PCLAF: variants seen among roughly 807,000 people sequenced by gnomAD.
The protein encoded by PCLAF is PCNA clamp associated factor, also known as PCNA-associated factor.
Under a neutral mutation model 15.1 loss-of-function variants are expected in PCLAF, and 12 were observed. That is an observed-to-expected ratio of 0.79 (90% confidence interval 0.51 to 1.29). PCLAF has a LOEUF of 1.29. Ranked by LOEUF, PCLAF falls within the 50% of genes most tolerant of loss-of-function variation. PCLAF has a pLI of 0.00. For synonymous variants in PCLAF, 33 were observed against 47.1 expected (o/e 0.70, Z 1.22); for missense variants, 116 against 130.9 (o/e 0.89, Z 0.56).
At chr15:64,366,424 T>C (rs1264984206) in intron 3 of PCLAF, among the ~76,000 whole-genome samples, 1 of 152,340 alleles carries the variant, frequency 6.6e-6, no homozygotes, top group East Asian at 1.9e-4. Context: ...AGCAAGAACT[T>C]TGTGGTAACA....
intron 2 of PCLAF, among the ~76,000 whole-genome samples, chr15:64,377,253 G>A (rs1031454646): frequency 3.3e-5 from 5 of 151,044 alleles, no homozygotes; most frequent in African/African-American, 1.2e-4. Context: ...GGATCACAAG[G>A]TCAGGAGTTC....
chr15:64,380,867 CGT>C, intron 2 of PCLAF, 89 bp downstream of exon 2: 2 of 1,077,478 alleles, frequency 1.9e-6, no homozygotes, highest in Middle Eastern at 2.1e-4. Context: ...GAAATTCGGG[CGT>C]GAGTACCTCA....
chr15:64,371,702 T>G (rs2140523046), intron 3 of PCLAF, among the ~76,000 whole-genome samples: 1 of 152,294 alleles, frequency 6.6e-6, no homozygotes, highest in East Asian at 1.9e-4. Flanking sequence ...GTTCAAGTGA[T>G]TCTCCTGCCT....
chr15:64,376,628 A>G, intron 3 of PCLAF, 115 bp downstream of exon 3: 1 of 714,620 alleles, frequency 1.4e-6, no homozygotes, highest in Non-Finnish European at 2.3e-6. Context: ...CATGTTGGAC[A>G]GGCTGGTTTT....
chr15:64,383,511 C>T (rs1311290717), upstream of PCLAF, among the ~76,000 whole-genome samples: 1 of 151,908 alleles, frequency 6.6e-6, no homozygotes, highest in African/African-American at 2.4e-5. Flanking sequence ...GGATTACAGA[C>T]ACGTGCCAAA....
At chr15:64,367,253 C>T (rs1352360407) in intron 3 of PCLAF, among the ~76,000 whole-genome samples, 4 of 152,154 alleles carry the variant, frequency 2.6e-5, no homozygotes, top group Non-Finnish European at 5.9e-5. Context: ...CCTCTAATCT[C>T]AGCACTTCGG....
chr15:64,381,541 CT>C (rs1899824079), upstream of PCLAF: 5 of 1,489,392 alleles, frequency 3.4e-6, no homozygotes, highest in Admixed American at 4.8e-5. Context: ...GCCGTTCCCC[CT>C]GAACCAATTG....
chr15:64,379,872 G>C (rs910339958), intron 2 of PCLAF, among the ~76,000 whole-genome samples: 1 of 151,976 alleles, frequency 6.6e-6, no homozygotes. Flanking sequence ...TGCAAAGTTG[G>C]AGAAAACCCA....
At chr15:64,366,816 T>C (rs1026184381) in intron 3 of PCLAF, among the ~76,000 whole-genome samples, 1 of 151,836 alleles carries the variant, frequency 6.6e-6, no homozygotes, top group Non-Finnish European at 1.5e-5. Flanking sequence ...CTACTAAAAA[T>C]ACAAAAATAG....
chr15:64,379,589 T>C (rs1176440028), intron 2 of PCLAF, among the ~76,000 whole-genome samples: 2 of 152,158 alleles, frequency 1.3e-5, no homozygotes, highest in Non-Finnish European at 2.9e-5. Flanking sequence ...TCTGAAGAGA[T>C]AGAAATAGTA....
In PCLAF at chr15:64,365,917, T is replaced by A. The variant is rs1899010461; in HGVS notation, c.*113A>T. On this transcript the variant is annotated 3_prime_UTR_variant, in exon 4 of 4. Transcript: ENST00000300035. ...CATCTAAATTTAAACCTAAATTTTTTAATTAAATGCCTGTTCAACAAAGCT... is the reference window on the plus strand; with the variant it reads ...CATCTAAATTTAAACCTAAATTTTTAAATTAAATGCCTGTTCAACAAAGCT... 8.1e-6 allele frequency: 7 copies of A among 863,450 alleles called. No homozygotes were observed. Among genetic ancestry groups the A allele is most frequent in the Admixed American group, 8.0e-5 (3 of 37,476 alleles). The allele number at this position is 863,450 out of a possible 1,614,324, so 53.5% of individuals were successfully genotyped here.
At chr15:64,387,684 C>G in exon 1 of PCLAF, 1 of 1,407,572 alleles carries the variant, frequency 7.1e-7, no homozygotes, top group Non-Finnish European at 9.3e-7. Flanking sequence ...AGGAAGTAGA[C>G]AACAAAGCAG....
At chr15:64,366,211 A>G (rs749709989) in intron 3 of PCLAF, 136 bp from the exon 4 acceptor site, 1 of 488,700 alleles carries the variant, frequency 2.0e-6, no homozygotes, top group Non-Finnish European at 3.5e-6. Flanking sequence ...ATGAAAGAAA[A>G]TTAAACTTCA....
At chr15:64,373,640 G>C (rs748887225) in intron 3 of PCLAF, 3 of 1,525,410 alleles carry the variant, frequency 2.0e-6, no homozygotes, top group African/African-American at 1.4e-5. Context: ...AACCTGCACG[G>C]GTAGGAGCAG....
chr15:64,377,338 G>A (rs1000998788), intron 2 of PCLAF, among the ~76,000 whole-genome samples: 6 of 149,700 alleles, frequency 4.0e-5, no homozygotes, highest in Non-Finnish European at 5.9e-5. Flanking sequence ...GTGGCGGCAC[G>A]TGCCTGTATT....
chr15:64,364,591 A>AG lies in PCLAF; in HGVS notation c.*1438_*1439insC, dbSNP rs1315826832. On this transcript the variant is annotated 3_prime_UTR_variant, in exon 4 of 4. Transcript: ENST00000300035. ...CGAATCAAATGCAAATCCTAGGAAA[A>AG]TTTCTTTTAAGAGATGGGATCTGGT... is the stretch of plus-strand genomic sequence containing the variant. 2 of 151,974 alleles carry AG rather than the reference A, an allele frequency of 1.3e-5. No individual in the cohort carries two copies. The highest frequency in any genetic ancestry group is 2.9e-5 in the Non-Finnish European group (2 of 68,024). The allele number at this position is 151,974 out of a possible 1,614,324, so 9.4% of individuals were successfully genotyped here. A position where few individuals can be genotyped will look rare whatever the true frequency, so the allele number is the denominator to read the frequency against.
chr15:64,368,501 T>C lies in PCLAF; in HGVS notation c.291-2426A>G, dbSNP rs149357959. On this transcript the variant is annotated intron_variant, in intron 3 of 3. Coordinates refer to ENST00000300035, the MANE Select transcript of PCLAF (RefSeq NM_014736.6). ...TAACTCTGTTAAAGGTTTAAGTAGA[T>C]AGTCTTCCTTGATTCTGACTCTTCC... 6.4e-4 allele frequency among the ~76,000 whole-genome samples: 97 copies of C among 152,304 alleles called. 4 individuals carry two copies. The highest frequency in any genetic ancestry group is 2.3e-3 in the African/African-American group (95 of 41,558).
Position 64,373,601 on chromosome 15 carries a change from G to A in PCLAF, c.290+3142C>T, listed in dbSNP as rs1428383322. ...TGTGGTTTCGGCTGCAGTAGCTTCC[G>A]GCATACTGGTTAAAGGAACAAATGA... On this transcript the variant is annotated intron_variant, in intron 3 of 3. Coordinates refer to ENST00000300035, the MANE Select transcript of PCLAF (RefSeq NM_014736.6). 1.6e-5 allele frequency: 23 copies of A among 1,464,640 alleles called. No individual in the cohort carries two copies. The East Asian group carries it at 2.1e-4, about 13-fold the overall frequency. The allele number at this position is 1,464,640 out of a possible 1,614,324, so 90.7% of individuals were successfully genotyped here.
In PCLAF at chr15:64,380,954, T is replaced by A; in HGVS notation, c.127+4A>T. The stretch of plus-strand genomic sequence containing the variant: ...TCCCCTAACTTTAGGAGGGCTCTTC[T>A]TACCTTTCCTCGATGAAACTGATGT... On this transcript the variant is annotated splice_donor_region_variant and intron_variant, in intron 2 of 3. Coordinates refer to ENST00000300035, the MANE Select transcript of PCLAF (RefSeq NM_014736.6). 6.2e-7 allele frequency: 1 copy of A among 1,613,782 alleles called. No homozygotes were observed. The highest frequency in any genetic ancestry group is 1.3e-5 in the African/African-American group (1 of 75,022).
Sources: allele counts gnomAD v4.1 joint callset (sites outside exome capture counted in the v4.1 genomes callset), GRCh38; gene constraint gnomAD v4.1.1; transcripts MANE v1.5; gene names NCBI Gene and HGNC (gene_info 2026-07-23, HGNC 2026-07-21).